Variants in GABRB3 observed in about 807,000 individuals in gnomAD.
GABRB3 encodes the protein gamma-aminobutyric acid type A receptor subunit beta3.
Under a neutral mutation model 52.1 loss-of-function variants are expected in GABRB3, and 14 were observed. The ratio of observed to expected loss-of-function variants is 0.27; its 90% confidence interval spans 0.18 to 0.42. The LOEUF is 0.42. GABRB3 is among the 10% of genes least tolerant of loss of function. The probability of loss-of-function intolerance (pLI) is 1.00; values close to 1 mark genes in which losing one functional copy is unlikely to be tolerated. For missense variants in GABRB3, 307 were observed against 609.1 expected (o/e 0.50, Z 5.22); for synonymous variants, 260 against 232.3 (o/e 1.12, Z -1.08).
At chr15:26,557,936 AG>A (rs1396818754) in intron 8 of GABRB3, 1 of 152,228 alleles carries the variant, frequency 6.6e-6, no homozygotes, top group East Asian at 1.9e-4. Flanking sequence ...GTACCCATAA[AG>A]GTATTTCTGC....
chr15:26,762,541 T>G (rs1354014270), intron 3 of GABRB3, among the ~76,000 whole-genome samples: 2 of 152,266 alleles, frequency 1.3e-5, no homozygotes, highest in African/African-American at 4.8e-5. Context: ...AAATTTCCAG[T>G]CAAATATATC....
chr15:26,755,054 A>T (rs1890623211), intron 3 of GABRB3, among the ~76,000 whole-genome samples: 1 of 141,722 alleles, frequency 7.1e-6, no homozygotes. Context: ...ACCAGGCTGG[A>T]GTGCAGTGGT....
chr15:26,682,765 G>C (rs1016451728), intron 3 of GABRB3, among the ~76,000 whole-genome samples: 32 of 152,184 alleles, frequency 2.1e-4, no homozygotes, highest in Non-Finnish European at 4.1e-4. Flanking sequence ...AGGACTTGAG[G>C]CTCTGAAAAG....
chr15:26,670,362 T>C (rs1297849228), intron 3 of GABRB3, among the ~76,000 whole-genome samples: 4 of 152,166 alleles, frequency 2.6e-5, no homozygotes, highest in Admixed American at 1.3e-4. Context: ...GTCCAGGCAC[T>C]GCAGCATGGG....
chr15:26,674,095 T>C (rs1375011805), intron 3 of GABRB3, among the ~76,000 whole-genome samples: 1 of 150,328 alleles, frequency 6.7e-6, no homozygotes, highest in Non-Finnish European at 1.5e-5. Flanking sequence ...CCTGAGATGG[T>C]GTTTTAGAAA....
Position 26,561,016 on chromosome 15 carries a change from A to G in GABRB3, c.996T>C (p.Phe332=). 1 of 1,614,182 alleles carries G rather than the reference A, an allele frequency of 6.2e-7. No individual in the cohort carries two copies. Among genetic ancestry groups the G allele is most frequent in the Non-Finnish European group, 8.5e-7 (1 of 1,180,032 alleles). ...TCTTCTGCCTTTGAGGGCCTCTTCCAAAGAAAATGTAGTTGACAAAGGCAT... is the reference window on the plus strand; with the variant it reads ...TCTTCTGCCTTTGAGGGCCTCTTCCGAAGAAAATGTAGTTGACAAAGGCAT... ...LEYAFVNYIF[F]GRGPQRQKKL... is the part of the protein sequence containing the mutation. The change falls in exon 8 of 9, where the codon TTT becomes TTC. Residue 332 remains phenylalanine (F), a synonymous_variant. Coordinates refer to ENST00000311550, the MANE Select transcript of GABRB3 (RefSeq NM_000814.6).
intron 7 of GABRB3, among the ~76,000 whole-genome samples, chr15:26,565,025 G>A (rs1167099024): frequency 6.6e-6 from 1 of 152,144 alleles, no homozygotes; most frequent in East Asian, 1.9e-4. Flanking sequence ...CTATTTTTGT[G>A]CTCTGTAAAA....
intron 3 of GABRB3, among the ~76,000 whole-genome samples, chr15:26,722,984 T>C (rs1312915214): frequency 6.6e-6 from 1 of 152,216 alleles, no homozygotes; most frequent in Non-Finnish European, 1.5e-5. Flanking sequence ...TTCATTTTAA[T>C]AATAATACGA....
intron 3 of GABRB3, among the ~76,000 whole-genome samples, chr15:26,756,091 ATG>A (rs1890651739): frequency 6.6e-6 from 1 of 152,222 alleles, no homozygotes; most frequent in African/African-American, 2.4e-5. Context: ...TTAAATGTGC[ATG>A]AAAAACTAAA....
At chr15:26,635,737 C>A (rs1290866212) in intron 3 of GABRB3, among the ~76,000 whole-genome samples, 2 of 152,164 alleles carry the variant, frequency 1.3e-5, no homozygotes, top group African/African-American at 4.8e-5. Flanking sequence ...ATATATGCAT[C>A]TAGATCAGGA....
At chr15:26,640,150 G>C (rs964042176) in intron 3 of GABRB3, among the ~76,000 whole-genome samples, 1 of 152,190 alleles carries the variant, frequency 6.6e-6, no homozygotes, top group Non-Finnish European at 1.5e-5. Context: ...TTATGACAGA[G>C]GTATGGACCA....
intron 3 of GABRB3, among the ~76,000 whole-genome samples, chr15:26,675,864 T>C (rs1888052460): frequency 6.6e-6 from 1 of 152,126 alleles, no homozygotes; most frequent in Non-Finnish European, 1.5e-5. Context: ...CCGAAGACAG[T>C]CAGATATCCA....
At chr15:26,562,990 T>TTACA (rs2140684500) in intron 7 of GABRB3, among the ~76,000 whole-genome samples, 1 of 152,282 alleles carries the variant, frequency 6.6e-6, no homozygotes, top group South Asian at 2.1e-4. Context: ...TAATTACTGT[T>TTACA]TACAAATAAA....
intron 7 of GABRB3, among the ~76,000 whole-genome samples, chr15:26,563,244 T>TC (rs969501244): frequency 2.6e-5 from 4 of 152,134 alleles, no homozygotes; most frequent in African/African-American, 9.7e-5. Context: ...AGCCAGCACA[T>TC]CTCACAGGCA....
At chr15:26,567,864 A>C in intron 6 of GABRB3, 131 bp from the exon 7 acceptor site, 1 of 843,648 alleles carries the variant, frequency 1.2e-6, no homozygotes, top group African/African-American at 1.7e-5. Flanking sequence ...ACCACCAAGC[A>C]GTTTGCTTCT....
At chr15:26,551,855 C>T (rs528034031) in intron 8 of GABRB3, among the ~76,000 whole-genome samples, 1 of 152,302 alleles carries the variant, frequency 6.6e-6, no homozygotes, top group Admixed American at 6.5e-5. Flanking sequence ...CGAGATCACA[C>T]CACCTGTGCT....
rs547781764 is a variant in GABRB3, at chr15:26,566,126, A to AT, written c.835+1454dup. On this transcript the variant is annotated intron_variant, in intron 7 of 8. Coordinates refer to ENST00000311550, the MANE Select transcript of GABRB3 (RefSeq NM_000814.6). ...TGCAGGCTGTAGAAAAGTCCTGGAG[A>AT]TTTTTTTTCTTTTTTTAGAGAACTG... 1.6e-3 allele frequency among the ~76,000 whole-genome samples: 236 copies of AT among 152,054 alleles called. 1 individual carries two copies. The highest frequency in any genetic ancestry group is 5.2e-3 in the African/African-American group (215 of 41,468).
intron 3 of GABRB3, among the ~76,000 whole-genome samples, chr15:26,672,672 A>G (rs905743479): frequency 6.6e-6 from 1 of 152,116 alleles, no homozygotes; most frequent in African/African-American, 2.4e-5. Flanking sequence ...TCTTCCCTAC[A>G]CTGTCCAATA....
intron 3 of GABRB3, among the ~76,000 whole-genome samples, chr15:26,628,322 T>C (rs1199420863): frequency 6.6e-6 from 1 of 152,184 alleles, no homozygotes; most frequent in Non-Finnish European, 1.5e-5. Flanking sequence ...ATTGAGTGCT[T>C]ACCGCCTGCT....
Sources: allele counts gnomAD v4.1 joint callset (sites outside exome capture counted in the v4.1 genomes callset), GRCh38; gene constraint gnomAD v4.1.1; transcripts MANE v1.5; gene names NCBI Gene and HGNC (gene_info 2026-07-23, HGNC 2026-07-21).